Variants in HTR2C observed in about 807,000 individuals in gnomAD.
The protein encoded by HTR2C is 5-hydroxytryptamine receptor 2C.
Under a neutral mutation model 21.0 loss-of-function variants are expected in HTR2C, and 5 were observed. The observed-to-expected ratio is 0.24, with a 90% CI of 0.12 to 0.50. HTR2C has a LOEUF of 0.50. Among genes scored for constraint, HTR2C ranks in the 20% least tolerant of loss-of-function variants. The pLI is 0.98. For missense variants in HTR2C, 271 were observed against 371.2 expected (o/e 0.73, Z 2.22); for synonymous variants, 150 against 145.3 (o/e 1.03, Z -0.23).
At chrX:114,874,269 A>G (rs2071114904) in intron 5 of HTR2C, among the ~76,000 whole-genome samples, 1 of 111,085 alleles carries the variant, frequency 9.0e-6, no homozygotes, top group Non-Finnish European at 1.9e-5. Context: ...TCTCTTTGAC[A>G]CATTGATTTT....
chrX:114,887,347 TAATG>T (rs2071227501), intron 5 of HTR2C, among the ~76,000 whole-genome samples: 1 of 111,857 alleles, frequency 8.9e-6, no homozygotes, highest in Non-Finnish European at 1.9e-5. Context: ...TCATTAATAT[TAATG>T]AATCCATTTT....
At chrX:114,673,002 C>T (rs782392780) in intron 2 of HTR2C, among the ~76,000 whole-genome samples, 7 of 111,915 alleles carry the variant, frequency 6.3e-5, no homozygotes, top group Middle Eastern at 9.3e-3. Context: ...CTCATCTTCC[C>T]CATGTGTAGC....
At chrX:114,681,452 T>C (rs1488792652) in intron 2 of HTR2C, among the ~76,000 whole-genome samples, 1 of 110,923 alleles carries the variant, frequency 9.0e-6, no homozygotes, top group Non-Finnish European at 1.9e-5. Context: ...ATGAAACAAT[T>C]GATGCTTCAA....
intron 5 of HTR2C, among the ~76,000 whole-genome samples, chrX:114,877,353 TCTAA>T (rs1418818602): frequency 1.8e-5 from 2 of 111,081 alleles, no homozygotes; most frequent in East Asian, 2.8e-4. Context: ...TCTTGGTTAG[TCTAA>T]CTAAAGGTTT....
rs1269587029 is a variant in HTR2C at position 114,799,498 on chromosome X, C to CA, written c.350-48497dup. ...AAAAAAAAAAGAATTACTTTAATTA[C>CA]AAAAAAAAGGTATTTTTAGGGATAT... On this transcript the variant is annotated intron_variant, in intron 4 of 5. Coordinates refer to ENST00000276198, the MANE Select transcript of HTR2C (RefSeq NM_000868.4). 4.5e-4 allele frequency among the ~76,000 whole-genome samples: 49 copies of CA among 109,001 alleles called. 1 individual carries two copies. The highest frequency in any genetic ancestry group is 7.7e-4 in the Non-Finnish European group (40 of 52,112). 94.7% of individuals were successfully genotyped at this position (109,001 alleles called of 115,157 possible). A position where few individuals can be genotyped will look rare whatever the true frequency, so the allele number is the denominator to read the frequency against.
intron 2 of HTR2C, 130 bp from the exon 3 acceptor site, chrX:114,726,728 G>C (rs1457057363): frequency 2.8e-6 from 1 of 353,175 alleles, no homozygotes; most frequent in Admixed American, 6.2e-5. Flanking sequence ...AGTATAACAT[G>C]CTTACCTGTT....
intron 5 of HTR2C, among the ~76,000 whole-genome samples, chrX:114,866,114 G>A (rs934170878): frequency 9.0e-6 from 1 of 111,517 alleles, no homozygotes; most frequent in Non-Finnish European, 1.9e-5. Context: ...ACTGCGCCTG[G>A]CCCCAGTGCG....
intron 2 of HTR2C, among the ~76,000 whole-genome samples, chrX:114,725,869 C>T (rs782608104): frequency 1.3e-4 from 14 of 109,542 alleles, no homozygotes; most frequent in East Asian, 2.9e-4. Context: ...GCAGTCTGCC[C>T]GTTCTCAGAT....
intron 4 of HTR2C, among the ~76,000 whole-genome samples, chrX:114,831,555 T>C (rs1165441541): frequency 4.4e-5 from 4 of 91,085 alleles, no homozygotes; most frequent in Non-Finnish European, 8.6e-5. Flanking sequence ...GTTTGTTTTT[T>C]TCTTGTAAAT....
intron 2 of HTR2C, among the ~76,000 whole-genome samples, chrX:114,646,915 T>A (rs1930381352): frequency 1.8e-5 from 2 of 112,077 alleles, no homozygotes; most frequent in South Asian, 7.4e-4. Flanking sequence ...ATGAACATTT[T>A]TTTTCATATA....
At chrX:114,625,637 A>T (rs914713154) in intron 2 of HTR2C, among the ~76,000 whole-genome samples, 3 of 112,080 alleles carry the variant, frequency 2.7e-5, no homozygotes, top group Non-Finnish European at 5.6e-5. Context: ...CCCCTTTTTA[A>T]AATAAATCAC....
intron 5 of HTR2C, among the ~76,000 whole-genome samples, chrX:114,892,071 C>T (rs1467587458): frequency 5.4e-5 from 6 of 111,448 alleles, no homozygotes; most frequent in Non-Finnish European, 1.1e-4. Context: ...TGATGGATTT[C>T]AATTCCTAAT....
At chrX:114,773,354 A>G (rs1209252775) in intron 4 of HTR2C, among the ~76,000 whole-genome samples, 2 of 112,400 alleles carry the variant, frequency 1.8e-5, no homozygotes, top group Non-Finnish European at 3.8e-5. Flanking sequence ...AGCCAGTTTC[A>G]TAAGTGAAAC....
intron 4 of HTR2C, among the ~76,000 whole-genome samples, chrX:114,748,228 G>C (rs956625611): frequency 9.0e-6 from 1 of 111,528 alleles, no homozygotes; most frequent in Non-Finnish European, 1.9e-5. Context: ...GGAGCTGTAT[G>C]CTGCAAACTT....
intron 1 of HTR2C, among the ~76,000 whole-genome samples, chrX:114,588,430 G>A (rs1044392536): frequency 2.0e-4 from 22 of 111,306 alleles, no homozygotes; most frequent in Non-Finnish European, 5.7e-5. Context: ...GAACTGCATT[G>A]TCCAGTGCAA....
chrX:114,755,176 G>T (rs1556429631), intron 4 of HTR2C, among the ~76,000 whole-genome samples: 2 of 107,951 alleles, frequency 1.9e-5, no homozygotes, highest in Non-Finnish European at 3.8e-5. Context: ...GGAGGTGGAG[G>T]TTGCAGTGAG....
intron 2 of HTR2C, among the ~76,000 whole-genome samples, chrX:114,721,739 T>A (rs1933224882): frequency 9.0e-6 from 1 of 110,860 alleles, no homozygotes; most frequent in Admixed American, 9.7e-5. Flanking sequence ...TACATATGGC[T>A]AGCCAGTTTT....
At chrX:114,586,888 A>AT (rs1306062893) in intron 1 of HTR2C, among the ~76,000 whole-genome samples, 2 of 110,922 alleles carry the variant, frequency 1.8e-5, no homozygotes, top group East Asian at 2.8e-4. Context: ...GTGCCATTAG[A>AT]TTTTTCCCCT....
intron 4 of HTR2C, among the ~76,000 whole-genome samples, chrX:114,810,239 G>T (rs2070518263): frequency 9.0e-6 from 1 of 111,338 alleles, no homozygotes; most frequent in South Asian, 3.8e-4. Context: ...TGGTGTCAGG[G>T]ATTAGGGGAG....
Sources: allele counts gnomAD v4.1 joint callset (sites outside exome capture counted in the v4.1 genomes callset), GRCh38; gene constraint gnomAD v4.1.1; transcripts MANE v1.5; gene names NCBI Gene and HGNC (gene_info 2026-07-23, HGNC 2026-07-21).